LRRC4C: variants seen among roughly 807,000 people sequenced by gnomAD.
The protein encoded by LRRC4C is leucine-rich repeat-containing protein 4C.
Under a neutral mutation model 33.6 loss-of-function variants are expected in LRRC4C, and 5 were observed. The ratio of observed to expected loss-of-function variants is 0.15; its 90% CI spans 0.08 to 0.31. LRRC4C has a LOEUF of 0.31. Ranked by LOEUF, LRRC4C falls within the 10% of genes least tolerant of loss-of-function variation. The pLI is 1.00. For synonymous variants in LRRC4C, 329 were observed against 302.0 expected (o/e 1.09, Z -0.93); for missense variants, 560 against 796.7 (o/e 0.70, Z 3.58).
At chr11:40,484,557 A>G (rs1355394301) in intron 3 of LRRC4C, among the ~76,000 whole-genome samples, 2 of 152,080 alleles carry the variant, frequency 1.3e-5, no homozygotes, top group Non-Finnish European at 2.9e-5. Flanking sequence ...ACTAACAATT[A>G]TTAGTTATAG....
At chr11:40,526,379 T>C (rs937530414) in intron 3 of LRRC4C, among the ~76,000 whole-genome samples, 4 of 152,128 alleles carry the variant, frequency 2.6e-5, no homozygotes, top group African/African-American at 4.8e-5. Context: ...CTGAAATTCA[T>C]ATGAAATTGC....
At chr11:40,674,273 C>T (rs778367586) in intron 2 of LRRC4C, among the ~76,000 whole-genome samples, 1 of 152,156 alleles carries the variant, frequency 6.6e-6, no homozygotes, top group East Asian at 1.9e-4. Context: ...ATGGAAAGAG[C>T]ACTGGGGTTG....
At chr11:40,711,285 G>C (rs1234162487) in intron 2 of LRRC4C, among the ~76,000 whole-genome samples, 2 of 152,132 alleles carry the variant, frequency 1.3e-5, no homozygotes, top group Non-Finnish European at 2.9e-5. Flanking sequence ...CAATCACACT[G>C]GGAGCTGCAG....
At chr11:41,337,314 G>A (rs575734203) in intron 1 of LRRC4C, among the ~76,000 whole-genome samples, 36 of 152,268 alleles carry the variant, frequency 2.4e-4, no homozygotes, top group African/African-American at 8.7e-4. Context: ...TCATAGTGTT[G>A]AGATTACAGG....
chr11:40,337,805 T>C (rs1358537092), intron 3 of LRRC4C, among the ~76,000 whole-genome samples: 1 of 152,158 alleles, frequency 6.6e-6, no homozygotes, highest in Non-Finnish European at 1.5e-5. Flanking sequence ...TGCCCATTGA[T>C]TATTTTTCCT....
chr11:41,090,429 T>A (rs1414528665), intron 1 of LRRC4C, among the ~76,000 whole-genome samples: 1 of 152,112 alleles, frequency 6.6e-6, no homozygotes, highest in African/African-American at 2.4e-5. Flanking sequence ...TTAAAAAAAA[T>A]AAAGACACAA....
chr11:41,392,578 G>A (rs916733304), intron 1 of LRRC4C, among the ~76,000 whole-genome samples: 10 of 150,850 alleles, frequency 6.6e-5, no homozygotes, highest in South Asian at 2.1e-4. Context: ...AAAAAACATC[G>A]TTACCTAGAA....
chr11:40,967,164 G>A (rs114030235), intron 1 of LRRC4C, among the ~76,000 whole-genome samples: 4,554 of 151,980 alleles, frequency 0.03, 63 homozygotes, highest in Middle Eastern at 0.044. Flanking sequence ...AGGAAAGAAG[G>A]AAGGAAGGAA....
Position 40,476,026 on chromosome 11 carries a change from T to C in LRRC4C, c.-269-156305A>G, listed in dbSNP as rs910272413. On this transcript the variant is annotated intron_variant, in intron 3 of 6. Coordinates refer to ENST00000528697, the MANE Select transcript of LRRC4C (RefSeq NM_001258419.2). ...GCATCTCTGGCCTCTACCCACTAGG[T>C]GCCAGTAATACCCTCCTGCATCTCC... 2.6e-5 allele frequency among the ~76,000 whole-genome samples: 4 copies of C among 152,156 alleles called. No homozygotes were observed. In the East Asian group the frequency reaches 7.7e-4, roughly 29 times the overall value.
chr11:40,750,152 G>A (rs1219266816), intron 2 of LRRC4C, among the ~76,000 whole-genome samples: 1 of 152,052 alleles, frequency 6.6e-6, no homozygotes, highest in Non-Finnish European at 1.5e-5. Flanking sequence ...AACCCAGGAG[G>A]TGGAGATTGT....
At chr11:40,189,718 T>C (rs1422683302) in intron 5 of LRRC4C, among the ~76,000 whole-genome samples, 1 of 152,130 alleles carries the variant, frequency 6.6e-6, no homozygotes, top group African/African-American at 2.4e-5. Flanking sequence ...CTCTATGTGA[T>C]CATTCGAATA....
At chr11:40,548,690 A>G (rs1342327020) in intron 3 of LRRC4C, among the ~76,000 whole-genome samples, 1 of 152,164 alleles carries the variant, frequency 6.6e-6, no homozygotes, top group Non-Finnish European at 1.5e-5. Context: ...CGAGGGGGCC[A>G]TGATTGGCAG....
intron 3 of LRRC4C, among the ~76,000 whole-genome samples, chr11:40,356,283 A>G (rs1006405426): frequency 6.6e-6 from 1 of 152,192 alleles, no homozygotes; most frequent in African/African-American, 2.4e-5. Context: ...ATGCGTCAGA[A>G]TGAGCCAGCT....
chr11:40,618,164 A>C (rs1334974964), intron 3 of LRRC4C, among the ~76,000 whole-genome samples: 2 of 151,654 alleles, frequency 1.3e-5, no homozygotes, highest in Non-Finnish European at 3.0e-5. Context: ...TTGAAGATGT[A>C]ATTGGCTAAA....
chr11:41,263,850 A>G (rs770373112), intron 1 of LRRC4C, among the ~76,000 whole-genome samples: 18 of 152,134 alleles, frequency 1.2e-4, no homozygotes. Context: ...ACATAGGATG[A>G]CTGAACAGAT....
chr11:40,816,444 C>G (rs1376137602), intron 2 of LRRC4C, among the ~76,000 whole-genome samples: 1 of 152,162 alleles, frequency 6.6e-6, no homozygotes, highest in Non-Finnish European at 1.5e-5. Flanking sequence ...GTAAACTACT[C>G]TGCCTGAAGT....
At chr11:40,697,297 T>G (rs1196644103) in intron 2 of LRRC4C, among the ~76,000 whole-genome samples, 2 of 152,092 alleles carry the variant, frequency 1.3e-5, no homozygotes, top group African/African-American at 4.8e-5. Flanking sequence ...CATGAAAGAA[T>G]GACCTTGAAC....
intron 3 of LRRC4C, among the ~76,000 whole-genome samples, chr11:40,400,412 A>C (rs1434758113): frequency 1.3e-5 from 2 of 152,094 alleles, no homozygotes; most frequent in Non-Finnish European, 2.9e-5. Flanking sequence ...ATATATTTAA[A>C]GTGTGTGTGT....
intron 4 of LRRC4C, among the ~76,000 whole-genome samples, chr11:40,258,089 C>T (rs909519461): frequency 6.6e-6 from 1 of 152,112 alleles, no homozygotes; most frequent in South Asian, 2.1e-4. Flanking sequence ...TTTAAAACAA[C>T]AAAATTCACC....
Sources: gnomAD v4.1 joint callset for allele counts (sites outside exome capture counted in the v4.1 genomes callset) on GRCh38, gnomAD v4.1.1 for gene constraint, MANE v1.5 for transcripts, NCBI Gene and HGNC (gene_info 2026-07-23, HGNC 2026-07-21) for gene names.